The following VSTM1 variants were observed in gnomAD, a reference collection of about 807,000 sequenced individuals.
The protein encoded by VSTM1 is V-set and transmembrane domain-containing protein 1.
VSTM1 carries 27 observed loss-of-function variants against 33.1 expected under a neutral mutation model. The observed-to-expected ratio is 0.82, with a 90% CI of 0.60 to 1.12. VSTM1 has a LOEUF of 1.12. Among genes scored for constraint, VSTM1 ranks in the 50% most tolerant of loss-of-function variants. The probability of loss-of-function intolerance (pLI) is 0.00; values close to 1 mark genes in which losing one functional copy is unlikely to be tolerated. For synonymous variants in VSTM1, 115 were observed against 110.3 expected, an observed-to-expected ratio of 1.04 and a Z score of -0.27; for missense variants, 304 against 288.9, an observed-to-expected ratio of 1.05 and a Z score of -0.38.
At chr19:54,061,583 T>C (rs1282084223) in intron 1 of VSTM1, among the ~76,000 whole-genome samples, 2 of 152,158 alleles carry the variant, frequency 1.3e-5, no homozygotes, top group Non-Finnish European at 2.9e-5. Context: ...GATGCCAAGA[T>C]AGGAGAATTG....
chr19:54,052,004 A>G (rs896874580), intron 3 of VSTM1, among the ~76,000 whole-genome samples: 8 of 151,998 alleles, frequency 5.3e-5, no homozygotes, highest in African/African-American at 1.9e-4. Flanking sequence ...CAAGTGATCA[A>G]CCTGCCTTGG....
At chr19:54,058,905 A>G (rs548252236) in intron 1 of VSTM1, among the ~76,000 whole-genome samples, 173 bp from the exon 2 acceptor site, 112 of 148,124 alleles carry the variant, frequency 7.6e-4, no homozygotes, top group African/African-American at 2.4e-3. Flanking sequence ...TACATATAAT[A>G]CATATATAAA....
At chr19:54,051,388 A>G (rs1480229081) in intron 4 of VSTM1, 22 bp downstream of exon 4, 6 of 1,596,210 alleles carry the variant, frequency 3.8e-6, no homozygotes, top group East Asian at 2.3e-5. Context: ...TGGGAAAAAC[A>G]TCTCCTTTCT....
At chr19:54,058,641 A>G in intron 2 of VSTM1, 51 bp from the exon 3 acceptor site, 1 of 1,613,408 alleles carries the variant, frequency 6.2e-7, no homozygotes. Flanking sequence ...CGATTAAAGG[A>G]AAAGGTCATG....
At chr19:54,051,246 T>G (rs536433961) in intron 4 of VSTM1, among the ~76,000 whole-genome samples, 164 bp downstream of exon 4, 3 of 152,156 alleles carry the variant, frequency 2.0e-5, no homozygotes, top group Non-Finnish European at 4.4e-5. Flanking sequence ...GAGCTGAGAT[T>G]GCGCCACTGT....
Position 54,063,758 on chromosome 19 carries a change from G to A in VSTM1, c.20C>T (p.Ser7Phe), listed in dbSNP as rs199504672. ...TGGAGACTCACCGAGGCAAAGCAGG[G>A]AGAGGAATTCTGCGGTCATAGCGTC... is the stretch of plus-strand genomic sequence containing the variant. MTAEFL[S>F]LLCLGLCLGY... The change falls in exon 1 of 9, where the codon TCC becomes TTC. Residue 7 changes from serine (S) to phenylalanine (F), a missense_variant. Physicochemically the swap from Ser to Phe is radical, Grantham distance 155 (BLOSUM62 -2). Coordinates refer to ENST00000338372, the MANE Select transcript of VSTM1 (RefSeq NM_198481.4). 338 of 1,613,904 alleles carry A rather than the reference G, an allele frequency of 2.1e-4. No homozygotes were observed. The highest frequency in any genetic ancestry group is 2.8e-4 in the Non-Finnish European group (330 of 1,179,922).
intron 4 of VSTM1, among the ~76,000 whole-genome samples, chr19:54,045,370 A>G (rs2070522415): frequency 6.6e-6 from 1 of 151,980 alleles, no homozygotes; most frequent in Non-Finnish European, 1.5e-5. Flanking sequence ...CACCTATCCA[A>G]TCTATCTATC....
At chr19:54,059,839 TG>T (rs2071298565) in intron 1 of VSTM1, among the ~76,000 whole-genome samples, 1 of 140,930 alleles carries the variant, frequency 7.1e-6, no homozygotes, top group African/African-American at 2.8e-5. Context: ...GTGAGAGTGG[TG>T]GGTTTTTTTT....
At chr19:54,041,149 T>G in intron 8 of VSTM1, 69 bp from the exon 9 acceptor site, 1 of 1,411,208 alleles carries the variant, frequency 7.1e-7, no homozygotes, top group Non-Finnish European at 9.4e-7. Context: ...CACATGGCTA[T>G]TGACATTTAA....
chr19:54,058,143 G>T (rs2071193611), intron 3 of VSTM1, among the ~76,000 whole-genome samples, 163 bp downstream of exon 3: 1 of 150,992 alleles, frequency 6.6e-6, no homozygotes, highest in African/African-American at 2.4e-5. Flanking sequence ...GGGAGGCTGA[G>T]GAGGGAGAAT....
rs565051370 is a variant in VSTM1 at position 54,042,861 on chromosome 19, C to CT, written c.395-493dup. Reference sequence around the variant, plus strand: ...ATACATATATATATATATATACACACTTTTTTTTTTTTGAGATGGAGTCGT... The same window carrying CT: ...ATACATATATATATATATATACACACTTTTTTTTTTTTTGAGATGGAGTCGT... On this transcript the variant is annotated intron_variant, in intron 4 of 8. Coordinates refer to ENST00000338372, the MANE Select transcript of VSTM1 (RefSeq NM_198481.4). Among the ~76,000 whole-genome samples the CT allele has an allele frequency of 2.0e-3, 212 of 103,454 alleles. 1 individual carries two copies. Among genetic ancestry groups the CT allele is most frequent in the Non-Finnish European group, 2.9e-3 (144 of 48,902 alleles). 67.9% of individuals were successfully genotyped at this position (103,454 alleles called of 152,430 possible).
intron 3 of VSTM1, chr19:54,055,644 C>T (rs1465897234): frequency 7.0e-6 from 1 of 142,800 alleles, no homozygotes; most frequent in African/African-American, 2.6e-5. Flanking sequence ...TTTTTTCTTA[C>T]TTGCCTGACT....
At chr19:54,063,710 C>A in intron 1 of VSTM1, 34 bp downstream of exon 1, 1 of 1,613,180 alleles carries the variant, frequency 6.2e-7, no homozygotes, top group Non-Finnish European at 8.5e-7. Flanking sequence ...TTCTCACCAG[C>A]CCAAGCCCAT....
In VSTM1 at chr19:54,041,829, G is replaced by T. The variant is rs1460057296; in HGVS notation, c.554-13C>A. On this transcript the variant is annotated splice_polypyrimidine_tract_variant and intron_variant, in intron 7 of 8. Coordinates refer to ENST00000338372, the MANE Select transcript of VSTM1 (RefSeq NM_198481.4). ...GATAAATCTGCCTCTGAGTGAGAAA[G>T]GAAAAAAAAAAATCAGTTCTCAGCT... is the stretch of plus-strand genomic sequence containing the variant. The T allele has an allele frequency of 3.7e-6, 6 of 1,611,196 alleles. No individual in the cohort carries two copies. Among genetic ancestry groups the T allele is most frequent in the Non-Finnish European group, 5.1e-6 (6 of 1,179,034 alleles).
chr19:54,057,808 CAAA>C (rs74589305), intron 3 of VSTM1, among the ~76,000 whole-genome samples: 3 of 116,958 alleles, frequency 2.6e-5, no homozygotes, highest in Admixed American at 8.7e-5. Flanking sequence ...GACTCCCTCT[CAAA>C]AAAAAAAAAA....
chr19:54,052,381 G>C (rs1302668849), intron 3 of VSTM1, among the ~76,000 whole-genome samples: 2 of 139,080 alleles, frequency 1.4e-5, no homozygotes, highest in African/African-American at 2.7e-5. Flanking sequence ...CTGAGGGACA[G>C]AGCCAGACTC....
intron 1 of VSTM1, among the ~76,000 whole-genome samples, chr19:54,062,589 T>C (rs897529709): frequency 8.6e-5 from 13 of 151,708 alleles, no homozygotes; most frequent in Non-Finnish European, 1.9e-4. Context: ...CCAGGCGTGG[T>C]GGCGTGTGCC....
chr19:54,042,818 A>ATATATATG (rs1555752479), intron 4 of VSTM1, among the ~76,000 whole-genome samples: 23 of 57,908 alleles, frequency 4.0e-4, no homozygotes, highest in Middle Eastern at 9.4e-3. Context: ...ATATATATAT[A>ATATATATG]TATATATATA....
rs1003661112 is a variant in VSTM1, at chr19:54,054,575, C to T, written c.356-3127G>A. ...CCCATGATATGGCAGGACTGACCTA[C>T]TGGAAGCAACTGTGGTCAGTTGAGA... On this transcript the variant is annotated intron_variant, in intron 3 of 8. Coordinates refer to ENST00000338372, the MANE Select transcript of VSTM1 (RefSeq NM_198481.4). Among the ~76,000 whole-genome samples, 9 of 142,324 alleles carry T rather than the reference C, an allele frequency of 6.3e-5. 2 individuals are homozygous for T. Among genetic ancestry groups the T allele is most frequent in the African/African-American group, 2.3e-4 (9 of 38,612 alleles). The allele number at this position is 142,324 out of a possible 152,430, so 93.4% of individuals were successfully genotyped here.
Sources: allele counts gnomAD v4.1 joint callset (sites outside exome capture counted in the v4.1 genomes callset), GRCh38; gene constraint gnomAD v4.1.1; transcripts MANE v1.5; gene names NCBI Gene and HGNC (gene_info 2026-07-23, HGNC 2026-07-21).